MYH9: variants seen among roughly 807,000 people sequenced by gnomAD.
MYH9 encodes myosin heavy chain 9.
In MYH9, 29 loss-of-function variants were observed where a neutral mutation model predicts 241.9. That is an observed-to-expected ratio of 0.12 (90% CI 0.09 to 0.16). The LOEUF (loss-of-function observed/expected upper bound fraction) is 0.16, where lower values mean the gene tolerates loss of function less well. Among genes scored for constraint, MYH9 ranks in the 10% least tolerant of loss-of-function variants. MYH9 has a pLI of 1.00. For missense variants in MYH9, 1,803 were observed against 2,595.5 expected, an observed-to-expected ratio of 0.69 and a Z score of 6.63; for synonymous variants, 1,047 against 1,062.6, an observed-to-expected ratio of 0.99 and a Z score of 0.29.
intron 24 of MYH9, 77 bp from the exon 25 acceptor site, chr22:36,297,091 T>C: frequency 6.6e-7 from 1 of 1,511,884 alleles, no homozygotes. Context: ...TACAAAATAC[T>C]GAGCACTCGT....
rs115679879 is a variant in MYH9 at position 36,383,019 on chromosome 22, G to A, written c.-20+4788C>T. ...GAGGGTTGCTTGAGCCCAGGGGTTT[G>A]AGACTAGCCTAGGCAATACAGCAAG... On this transcript the variant is annotated intron_variant, in intron 1 of 40. Transcript: ENST00000216181. 2.1e-3 allele frequency among the ~76,000 whole-genome samples: 316 copies of A among 152,042 alleles called. 1 individual carries two copies. Among genetic ancestry groups the A allele is most frequent in the African/African-American group, 7.3e-3 (302 of 41,472 alleles).
In MYH9 at chr22:36,300,366, T is replaced by C. The variant is rs773265753; in HGVS notation, c.2839-102A>G. 35 of 1,536,370 alleles carry C rather than the reference T, an allele frequency of 2.3e-5. No homozygotes were observed. Among genetic ancestry groups the C allele is most frequent in the Admixed American group, 5.1e-5 (3 of 59,294 alleles). Reference sequence around the variant, plus strand: ...CCAGATCCAAACGCCAAGGAGAAAATAGCAAGGTCTGTGAGCCCAGGGCCA... The same window carrying C: ...CCAGATCCAAACGCCAAGGAGAAAACAGCAAGGTCTGTGAGCCCAGGGCCA... On this transcript the variant is annotated intron_variant, in intron 22 of 40. Coordinates refer to ENST00000216181, the MANE Select transcript of MYH9 (RefSeq NM_002473.6). The surrounding 1 kb of genome is among the most constrained non-coding windows in gnomAD (Gnocchi z 5.0).
At chr22:36,382,730 G>A (rs1392791635) in intron 1 of MYH9, among the ~76,000 whole-genome samples, 3 of 151,724 alleles carry the variant, frequency 2.0e-5, no homozygotes. Flanking sequence ...TTGAACCCAG[G>A]AGGCAGAGGC....
chr22:36,293,961 C>A lies in MYH9; in HGVS notation c.3838-98G>T. 1 of 1,465,802 alleles carries A rather than the reference C, an allele frequency of 6.8e-7. No individual in the cohort carries two copies. Among genetic ancestry groups the A allele is most frequent in the Non-Finnish European group, 9.4e-7 (1 of 1,065,994 alleles). 90.8% of individuals were successfully genotyped at this position (1,465,802 alleles called of 1,614,324 possible). A position where few individuals can be genotyped will look rare whatever the true frequency, so the allele number is the denominator to read the frequency against. On this transcript the variant is annotated intron_variant, in intron 28 of 40. Transcript: ENST00000216181. The surrounding 1 kb of genome is among the most constrained non-coding windows in gnomAD (Gnocchi z 5.1). ...GGTAAAGCTGGACCTGAGTCACAAGCTGAACCATGAGGGTCTGAGGAGCCA... is the reference window on the plus strand; with the variant it reads ...GGTAAAGCTGGACCTGAGTCACAAGATGAACCATGAGGGTCTGAGGAGCCA...
At chr22:36,292,970 G>A (rs2016730542) in intron 30 of MYH9, among the ~76,000 whole-genome samples, 1 of 152,224 alleles carries the variant, frequency 6.6e-6, no homozygotes, top group African/African-American at 2.4e-5. Context: ...AGGCCAAGGA[G>A]CTCGGCCACA....
At chr22:36,315,481 C>T (rs1428902721) in intron 12 of MYH9, among the ~76,000 whole-genome samples, 6 of 152,046 alleles carry the variant, frequency 3.9e-5, no homozygotes, top group Non-Finnish European at 8.8e-5. Flanking sequence ...GGAATATTTG[C>T]TGGAAGAATA....
Position 36,351,066 on chromosome 22 carries a change from A to G in MYH9, c.-19-1811T>C, listed in dbSNP as rs1486017650. Among the ~76,000 whole-genome samples the G allele has an allele frequency of 3.3e-5, 5 of 152,232 alleles. No homozygotes were observed. In the East Asian group the frequency reaches 7.7e-4, roughly 23 times the overall value. ...AGGAGGCTGGGGGCATGGGAGGGAA[A>G]GAACAAAGGGAAAAATCTAGGCTGA... On this transcript the variant is annotated intron_variant, in intron 1 of 40. Coordinates refer to ENST00000216181, the MANE Select transcript of MYH9 (RefSeq NM_002473.6).
chr22:36,317,364 T>A (rs1287484716), intron 11 of MYH9, among the ~76,000 whole-genome samples: 1 of 152,188 alleles, frequency 6.6e-6, no homozygotes, highest in Non-Finnish European at 1.5e-5. Context: ...TCACTGGGAA[T>A]TGTTTTCCTT....
Position 36,288,839 on chromosome 22 carries a change from T to A in MYH9, c.4658A>T (p.Asp1553Val), listed in dbSNP as rs1603482796. The change falls in exon 33 of 41, where the codon GAT becomes GTT. Residue 1553 changes from aspartate (D) to valine (V), a missense_variant. By Grantham distance (152) the Asp-to-Val change is radical (BLOSUM62 -3). This residue lies in a region of MYH9 where 876 missense variants were observed against 1,077.8 expected (regional missense o/e 0.81). Coordinates refer to ENST00000216181, the MANE Select transcript of MYH9 (RefSeq NM_002473.6). The surrounding 1 kb of genome is among the most constrained non-coding windows in gnomAD (Gnocchi z 4.8). ...ELEDELQATE[D>V]AKLRLEVNLQ... ...GTTGACCTCCAACCGCAGCTTGGCA[T>A]CTTCGGTGGCCTGCAGCTCGTCCTC... is the stretch of plus-strand genomic sequence containing the variant. The A allele has an allele frequency of 6.2e-7, 1 of 1,613,664 alleles. No individual in the cohort carries two copies. Among genetic ancestry groups the A allele is most frequent in the Non-Finnish European group, 8.5e-7 (1 of 1,179,928 alleles).
At chr22:36,309,162 C>A in intron 15 of MYH9, 120 bp downstream of exon 15, 1 of 863,410 alleles carries the variant, frequency 1.2e-6, no homozygotes. Flanking sequence ...GCAGAGACCA[C>A]CTGGCCTATG....
intron 1 of MYH9, among the ~76,000 whole-genome samples, chr22:36,350,522 A>G (rs1207585275): frequency 2.0e-5 from 3 of 152,250 alleles, no homozygotes; most frequent in Non-Finnish European, 1.5e-5. Context: ...GGGCAACAAG[A>G]GCAAAACTCC....
chr22:36,383,670 G>T (rs1322119995), intron 1 of MYH9, among the ~76,000 whole-genome samples: 2 of 151,816 alleles, frequency 1.3e-5, no homozygotes, highest in East Asian at 3.9e-4. Context: ...AAAAAAGGGG[G>T]GGGGGTGCCA....
chr22:36,283,775 T>C (rs1197499061), intron 40 of MYH9, among the ~76,000 whole-genome samples: 1 of 152,248 alleles, frequency 6.6e-6, no homozygotes, highest in East Asian at 1.9e-4. Context: ...GCATTGCTCA[T>C]GAGGCTCACA....
chr22:36,352,860 C>T (rs1048266394), intron 1 of MYH9, among the ~76,000 whole-genome samples: 10 of 152,356 alleles, frequency 6.6e-5, no homozygotes, highest in African/African-American at 2.2e-4. Context: ...CTCTGCTCAG[C>T]CTGGCCAAGG....
At chr22:36,386,354 G>A (rs950726321) in intron 1 of MYH9, among the ~76,000 whole-genome samples, 1 of 152,034 alleles carries the variant, frequency 6.6e-6, no homozygotes, top group Middle Eastern at 3.4e-3. Context: ...CCCACACATA[G>A]CAGCCTTGTA....
chr22:36,289,146 T>C lies in MYH9; in HGVS notation c.4496A>G (p.Asn1499Ser), dbSNP rs962270462. 6 of 1,613,956 alleles carry C rather than the reference T, an allele frequency of 3.7e-6. No individual in the cohort carries two copies. The African/African-American group carries it at 5.3e-5, about 14-fold the overall frequency. The change falls in exon 32 of 41, where the codon AAC (asparagine) becomes AGC (serine). Residue 1499 changes from asparagine (N) to serine (S), a missense_variant. This residue lies in a region of MYH9 where 876 missense variants were observed against 1,077.8 expected (regional missense o/e 0.81). Transcript: ENST00000216181. ...MEQKAELERL[N>S]KQFRTEMEDL... ...CTCCATCTCCGTGCGGAACTGCTTG[T>C]TGAGCCGCTCCAGCTCCGCCTTCTG...
chr22:36,375,231 T>C (rs544428673), intron 1 of MYH9, among the ~76,000 whole-genome samples: 1 of 152,338 alleles, frequency 6.6e-6, no homozygotes, highest in South Asian at 2.1e-4. Context: ...GGCAACATGA[T>C]GGCAGGTTGC....
chr22:36,285,011 C>T lies in MYH9; in HGVS notation c.5483+110G>A. ...CCCATCAGGAGGGAGGGAAACAGCC[C>T]CAGGCTCAGGAGACAGAGAGCTGGT... On this transcript the variant is annotated intron_variant, in intron 38 of 40. Transcript: ENST00000216181. The surrounding 1 kb of genome is among the most constrained non-coding windows in gnomAD (Gnocchi z 7.0). The T allele has an allele frequency of 1.9e-6, 2 of 1,057,842 alleles. No homozygotes were observed. The highest frequency in any genetic ancestry group is 1.6e-5 in the African/African-American group (1 of 63,858). The allele number at this position is 1,057,842 out of a possible 1,614,324, so 65.5% of individuals were successfully genotyped here.
chr22:36,285,065 G>T lies in MYH9; in HGVS notation c.5483+56C>A. 1 of 1,551,364 alleles carries T rather than the reference G, an allele frequency of 6.4e-7. No individual in the cohort carries two copies. Among genetic ancestry groups the T allele is most frequent in the Non-Finnish European group, 8.8e-7 (1 of 1,130,500 alleles). On this transcript the variant is annotated intron_variant, in intron 38 of 40. Coordinates refer to ENST00000216181, the MANE Select transcript of MYH9 (RefSeq NM_002473.6). This position sits in a 1 kb window ranked among gnomAD's most constrained non-coding sequence, Gnocchi z 7.0. ...GGCCCAGATTTGGGCAGGACTGCAG[G>T]GGGGCCAGAGTTTTTTCCAGGACAG...
Sources: allele counts gnomAD v4.1 joint callset (sites outside exome capture counted in the v4.1 genomes callset), GRCh38; gene constraint gnomAD v4.1.1; regional missense constraint gnomAD v4.1.1; non-coding constraint Gnocchi (gnomAD v3.1); transcripts MANE v1.5; gene names NCBI Gene and HGNC (gene_info 2026-07-23, HGNC 2026-07-21).